PLEKHM3: variants seen among roughly 807,000 people sequenced by gnomAD.
PLEKHM3 encodes pleckstrin homology domain containing M3, also known as pleckstrin homology domain-containing family M member 3.
Under a neutral mutation model 81.8 loss-of-function variants are expected in PLEKHM3, and 45 were observed. The observed-to-expected ratio is 0.55, with a 90% CI of 0.43 to 0.71. The LOEUF (loss-of-function observed/expected upper bound fraction) is 0.71, where lower values mean the gene tolerates loss of function less well. Among genes scored for constraint, PLEKHM3 ranks in the 30% least tolerant of loss-of-function variants. PLEKHM3 has a pLI of 0.00. For synonymous variants in PLEKHM3, 352 were observed against 356.4 expected (o/e 0.99, Z 0.14); for missense variants, 788 against 924.3 (o/e 0.85, Z 1.91).
intron 2 of PLEKHM3, among the ~76,000 whole-genome samples, chr2:207,995,851 T>C (rs990770207): frequency 6.6e-6 from 1 of 152,240 alleles, no homozygotes; most frequent in African/African-American, 2.4e-5. Context: ...TCTTCTCTCA[T>C]ATATCCCTTC....
At chr2:207,918,136 A>G (rs1048138883) in intron 5 of PLEKHM3, among the ~76,000 whole-genome samples, 1 of 152,160 alleles carries the variant, frequency 6.6e-6, no homozygotes, top group African/African-American at 2.4e-5. Flanking sequence ...TTAAAACACC[A>G]TTTTCACTCA....
In PLEKHM3 at chr2:207,828,012, T is replaced by A; in HGVS notation, c.*307A>T. On this transcript the variant is annotated 3_prime_UTR_variant, in exon 8 of 8. Transcript: ENST00000427836. ...AGAGAGAAAAAAAAAGTCTGAACTA[T>A]AAAGCATTGTGTATACCACGTTTTG... 1 of 185,862 alleles carries A rather than the reference T, an allele frequency of 5.4e-6. No individual in the cohort carries two copies. Among genetic ancestry groups the A allele is most frequent in the African/African-American group, 2.3e-5 (1 of 42,894 alleles). 11.5% of individuals were successfully genotyped at this position (185,862 alleles called of 1,614,324 possible). A position where few individuals can be genotyped will look rare whatever the true frequency, so the allele number is the denominator to read the frequency against.
At chr2:207,870,507 G>C (rs1362314086) in intron 6 of PLEKHM3, among the ~76,000 whole-genome samples, 1 of 152,230 alleles carries the variant, frequency 6.6e-6, no homozygotes. Context: ...GAACAGGCTG[G>C]CTTGACGAAA....
chr2:207,999,085 C>G (rs1001405068), intron 2 of PLEKHM3, among the ~76,000 whole-genome samples: 4 of 152,014 alleles, frequency 2.6e-5, no homozygotes, highest in African/African-American at 7.2e-5. Context: ...CAGGTTCAAT[C>G]GATTTTCATG....
At chr2:208,018,216 T>C (rs1295702638) in intron 1 of PLEKHM3, among the ~76,000 whole-genome samples, 1 of 151,814 alleles carries the variant, frequency 6.6e-6, no homozygotes, top group African/African-American at 2.4e-5. Flanking sequence ...CTACCAAAAA[T>C]ACAAAAATTA....
At position 207,828,196 on chromosome 2, in the gene PLEKHM3, C is replaced by A. The variant is rs1575257870; in HGVS notation, c.*123G>T. The A allele has an allele frequency of 2.0e-5, 16 of 787,218 alleles. No individual in the cohort carries two copies. The East Asian group carries it at 4.2e-4, about 21-fold the overall frequency. The allele number at this position is 787,218 out of a possible 1,614,324, so 48.8% of individuals were successfully genotyped here. A position where few individuals can be genotyped will look rare whatever the true frequency, so the allele number is the denominator to read the frequency against. On this transcript the variant is annotated 3_prime_UTR_variant, in exon 8 of 8. Transcript: ENST00000427836. ...CGTATATATAAATAAATATATATAT[C>A]TATATCTAGTTGAAGAGGATACATA... is the stretch of plus-strand genomic sequence containing the variant.
Position 207,843,736 on chromosome 2 carries a change from C to A in PLEKHM3, c.2109-15240G>T, listed in dbSNP as rs1283122208. 6.6e-6 allele frequency among the ~76,000 whole-genome samples: 1 copy of A among 152,100 alleles called. No individual in the cohort carries two copies. Among genetic ancestry groups the A allele is most frequent in the Non-Finnish European group, 1.5e-5 (1 of 68,012 alleles). On this transcript the variant is annotated intron_variant, in intron 7 of 7. Transcript: ENST00000427836. This position sits in a 1 kb window ranked among gnomAD's most constrained non-coding sequence, Gnocchi z 4.4. Reference sequence around the variant, plus strand: ...CCAATCATTGATATAAATTGCTTTTCCCCCAGTCTTTTCATTTAAATTTCC... The same window carrying A: ...CCAATCATTGATATAAATTGCTTTTACCCCAGTCTTTTCATTTAAATTTCC...
intron 5 of PLEKHM3, chr2:207,929,965 G>A: frequency 1.4e-6 from 1 of 692,102 alleles, no homozygotes; most frequent in African/African-American, 1.8e-5. Context: ...AAATTAAAAG[G>A]TATTTTTAGA....
chr2:207,930,612 T>C (rs1321112559), intron 5 of PLEKHM3, among the ~76,000 whole-genome samples: 1 of 152,150 alleles, frequency 6.6e-6, no homozygotes, highest in East Asian at 1.9e-4. Flanking sequence ...AATATAGATA[T>C]TTCCATGATT....
At chr2:207,974,395 C>T (rs140111461) in intron 3 of PLEKHM3, among the ~76,000 whole-genome samples, 77 of 152,310 alleles carry the variant, frequency 5.1e-4, no homozygotes, top group Middle Eastern at 6.8e-3. Flanking sequence ...GTGCACACTC[C>T]ATCAGAAGGC....
At chr2:207,888,873 A>G (rs1336541339) in intron 6 of PLEKHM3, among the ~76,000 whole-genome samples, 1 of 152,230 alleles carries the variant, frequency 6.6e-6, no homozygotes, top group African/African-American at 2.4e-5. Flanking sequence ...GGGCAATGCT[A>G]TAAACTCTTT....
intron 1 of PLEKHM3, among the ~76,000 whole-genome samples, chr2:208,017,263 A>C (rs1040970402): frequency 6.6e-6 from 1 of 152,224 alleles, no homozygotes; most frequent in Non-Finnish European, 1.5e-5. Context: ...CAAATAACAT[A>C]ATGTAGTGTT....
At chr2:207,964,569 G>A (rs1043700795) in intron 3 of PLEKHM3, among the ~76,000 whole-genome samples, 5 of 152,048 alleles carry the variant, frequency 3.3e-5, no homozygotes, top group South Asian at 2.1e-4. Flanking sequence ...AGGGGAAGGC[G>A]GTCAATAAAG....
chr2:207,995,496 T>C (rs544106690), intron 2 of PLEKHM3, among the ~76,000 whole-genome samples: 1 of 152,232 alleles, frequency 6.6e-6, no homozygotes, highest in African/African-American at 2.4e-5. Flanking sequence ...AGCCCCAGCT[T>C]AGTGGTTAAG....
chr2:207,922,698 G>C (rs1689226184), intron 5 of PLEKHM3, among the ~76,000 whole-genome samples: 1 of 152,138 alleles, frequency 6.6e-6, no homozygotes, highest in Non-Finnish European at 1.5e-5. Flanking sequence ...TGTAGTCCCA[G>C]TTACTCGGGA....
intron 1 of PLEKHM3, among the ~76,000 whole-genome samples, chr2:208,018,111 A>T (rs1251249093): frequency 6.6e-6 from 1 of 152,176 alleles, no homozygotes; most frequent in African/African-American, 2.4e-5. Context: ...GCAGTGGTTC[A>T]CGCCTGTAAT....
chr2:207,988,036 C>T (rs1205051651), intron 2 of PLEKHM3, among the ~76,000 whole-genome samples: 1 of 152,206 alleles, frequency 6.6e-6, no homozygotes, highest in East Asian at 1.9e-4. Flanking sequence ...ATTCATATTG[C>T]TCACCTTCTA....
At chr2:207,946,231 G>A (rs1690123636) in intron 4 of PLEKHM3, 136 bp downstream of exon 4, 1 of 931,288 alleles carries the variant, frequency 1.1e-6, no homozygotes, top group Non-Finnish European at 1.6e-6. Context: ...GAAGCATTAG[G>A]TAAGGTCTTG....
chr2:207,931,266 T>G (rs185767461), intron 4 of PLEKHM3, 147 bp from the exon 5 acceptor site: 41 of 805,312 alleles, frequency 5.1e-5, no homozygotes, highest in Non-Finnish European at 1.9e-5. Flanking sequence ...GAATTAAATG[T>G]AAATTTTGAC....
Sources: gnomAD v4.1 joint callset for allele counts (sites outside exome capture counted in the v4.1 genomes callset) on GRCh38, gnomAD v4.1.1 for gene constraint, Gnocchi (gnomAD v3.1) non-coding constraint, MANE v1.5 for transcripts, NCBI Gene and HGNC (gene_info 2026-07-23, HGNC 2026-07-21) for gene names.